Variants in GALNT3 observed in about 807,000 individuals in gnomAD.
The protein encoded by GALNT3 is GalNAc transferase 3.
In GALNT3, 51 loss-of-function variants were observed where a neutral mutation model predicts 69.8. That is an observed-to-expected ratio of 0.73 (90% confidence interval 0.58 to 0.92). The LOEUF (loss-of-function observed/expected upper bound fraction) is 0.92, where lower values mean the gene tolerates loss of function less well. Among genes scored for constraint, GALNT3 ranks in the 40% least tolerant of loss-of-function variants. The pLI is 0.00. For synonymous variants in GALNT3, 265 were observed against 248.5 expected, an observed-to-expected ratio of 1.07 and a Z score of -0.63; for missense variants, 711 against 760.0, an observed-to-expected ratio of 0.94 and a Z score of 0.76.
chr2:165,750,526 C>T (rs1688339815), intron 9 of GALNT3, among the ~76,000 whole-genome samples: 1 of 152,174 alleles, frequency 6.6e-6, no homozygotes, highest in Non-Finnish European at 1.5e-5. Flanking sequence ...ACATCCCATC[C>T]ATTCTCACTT....
intron 1 of GALNT3, among the ~76,000 whole-genome samples, chr2:165,772,468 C>T (rs1688768890): frequency 6.6e-6 from 1 of 151,182 alleles, no homozygotes; most frequent in Non-Finnish European, 1.5e-5. Context: ...GCCTGTAGTC[C>T]CAGCTACTCA....
chr2:165,764,759 C>T, intron 3 of GALNT3, 125 bp downstream of exon 3: 1 of 933,670 alleles, frequency 1.1e-6, no homozygotes, highest in South Asian at 1.3e-5. Flanking sequence ...ATTCACCATA[C>T]CCACTATCCA....
At chr2:165,764,053 T>C (rs1163253687) in intron 3 of GALNT3, among the ~76,000 whole-genome samples, 1 of 152,218 alleles carries the variant, frequency 6.6e-6, no homozygotes, top group Admixed American at 6.5e-5. Flanking sequence ...AAATAATATG[T>C]ATCTGTTTGA....
Position 165,770,811 on chromosome 2 carries a change from A to G in GALNT3, c.-108-3T>C. Reference sequence around the variant, plus strand: ...GAAGGTATCTTTAATGGTAGTACCTATAAACAGAAATGATCGATGGTATTA... The same window carrying G: ...GAAGGTATCTTTAATGGTAGTACCTGTAAACAGAAATGATCGATGGTATTA... On this transcript the variant is annotated splice_region_variant and splice_polypyrimidine_tract_variant and intron_variant, in intron 1 of 10. Transcript: ENST00000392701. The G allele has an allele frequency of 1.7e-6, 2 of 1,177,756 alleles. No individual in the cohort carries two copies. The highest frequency in any genetic ancestry group is 2.8e-5 in the South Asian group (2 of 71,796). 73.0% of individuals were successfully genotyped at this position (1,177,756 alleles called of 1,614,324 possible). A position where few individuals can be genotyped will look rare whatever the true frequency, so the allele number is the denominator to read the frequency against.
chr2:165,770,557 C>T lies in GALNT3; in HGVS notation c.144G>A (p.Glu48=), dbSNP rs1010205735. 1.9e-6 allele frequency: 3 copies of T among 1,613,750 alleles called. No homozygotes were observed. The highest frequency in any genetic ancestry group is 2.5e-6 in the Non-Finnish European group (3 of 1,179,880). ...QREVSVQYSK[E]ESRMERNMKN... ...TCATGTTCCTTTCCATCCTTGATTC[C>T]TCTTTGGAATATTGAACACTTACTT... Residue 48 remains glutamate, a synonymous_variant, in exon 2 of 11, where the codon GAG becomes GAA. Transcript: ENST00000392701.
At chr2:165,782,470 C>T (rs916896700) in intron 1 of GALNT3, among the ~76,000 whole-genome samples, 2 of 151,938 alleles carry the variant, frequency 1.3e-5, no homozygotes, top group African/African-American at 2.4e-5. Context: ...CATCCAGGGT[C>T]GCATGTGGCC....
intron 1 of GALNT3, among the ~76,000 whole-genome samples, chr2:165,788,698 G>C (rs1683281878): frequency 6.6e-6 from 1 of 151,608 alleles, no homozygotes; most frequent in African/African-American, 2.4e-5. Flanking sequence ...AAGATAGAAG[G>C]AAAGGCACTC....
At chr2:165,750,707 A>C (rs1049063997) in intron 9 of GALNT3, among the ~76,000 whole-genome samples, 23 of 152,324 alleles carry the variant, frequency 1.5e-4, no homozygotes, top group African/African-American at 5.1e-4. Flanking sequence ...TACTGTTGCT[A>C]AGATAAAGTC....
At chr2:165,761,840 T>C (rs1472671462) in intron 4 of GALNT3, 65 bp downstream of exon 4, 1 of 1,555,984 alleles carries the variant, frequency 6.4e-7, no homozygotes, top group Admixed American at 1.7e-5. Flanking sequence ...AAGACTTCCT[T>C]ACCTTTTAAA....
chr2:165,794,658 G>A (rs1683427905), upstream of GALNT3: 1 of 152,322 alleles, frequency 6.6e-6, no homozygotes, highest in Non-Finnish European at 1.5e-5. Flanking sequence ...GCTGGCTCAT[G>A]TGGTTTCTTC....
chr2:165,769,370 C>T (rs1280781402), intron 2 of GALNT3, among the ~76,000 whole-genome samples: 1 of 147,978 alleles, frequency 6.8e-6, no homozygotes, highest in Non-Finnish European at 1.5e-5. Context: ...CACACTACTG[C>T]ACTCCAGCCT....
chr2:165,772,655 C>T (rs1688774385), intron 1 of GALNT3, among the ~76,000 whole-genome samples: 1 of 148,358 alleles, frequency 6.7e-6, no homozygotes, highest in Admixed American at 6.7e-5. Context: ...GGAAAGTTTC[C>T]TAGAGATGAC....
At chr2:165,756,268 A>C (rs1414134759) in intron 7 of GALNT3, among the ~76,000 whole-genome samples, 1 of 152,220 alleles carries the variant, frequency 6.6e-6, no homozygotes, top group East Asian at 1.9e-4. Flanking sequence ...GATGAGTACT[A>C]TACACTGAAG....
intron 7 of GALNT3, among the ~76,000 whole-genome samples, chr2:165,756,056 T>C (rs138176625): frequency 6.6e-6 from 1 of 152,284 alleles, no homozygotes; most frequent in Non-Finnish European, 1.5e-5. Flanking sequence ...CTTCATGGCC[T>C]TGGGTAAAAA....
chr2:165,788,465 G>GA (rs1683272042), intron 1 of GALNT3, among the ~76,000 whole-genome samples: 1 of 131,118 alleles, frequency 7.6e-6, no homozygotes, highest in South Asian at 2.6e-4. Context: ...TAATCCAAAA[G>GA]GGTGTGTGTG....
At chr2:165,780,693 A>G (rs942614202) in intron 1 of GALNT3, among the ~76,000 whole-genome samples, 2 of 151,878 alleles carry the variant, frequency 1.3e-5, no homozygotes, top group Admixed American at 1.3e-4. Flanking sequence ...CTTCTAACAA[A>G]TGGACTAAGG....
At chr2:165,767,655 G>A (rs1044924685) in intron 2 of GALNT3, among the ~76,000 whole-genome samples, 5 of 152,016 alleles carry the variant, frequency 3.3e-5, no homozygotes, top group African/African-American at 4.8e-5. Context: ...TTAAAATAGT[G>A]CAATTAAAAT....
At chr2:165,773,180 G>A (rs1038906941) in intron 1 of GALNT3, among the ~76,000 whole-genome samples, 5 of 152,192 alleles carry the variant, frequency 3.3e-5, no homozygotes, top group African/African-American at 1.2e-4. Flanking sequence ...TAATCCCCAT[G>A]TGTCAAGGGC....
At chr2:165,782,813 A>C (rs1473271959) in intron 1 of GALNT3, among the ~76,000 whole-genome samples, 2 of 152,202 alleles carry the variant, frequency 1.3e-5, no homozygotes, top group Non-Finnish European at 2.9e-5. Flanking sequence ...TGGGAGTGTG[A>C]ATTGACTTAG....
Sources: gnomAD v4.1 joint callset for allele counts (sites outside exome capture counted in the v4.1 genomes callset) on GRCh38, gnomAD v4.1.1 for gene constraint, MANE v1.5 for transcripts, NCBI Gene and HGNC (gene_info 2026-07-23, HGNC 2026-07-21) for gene names.